The following TTN variants were observed in gnomAD, a reference collection of about 807,000 sequenced individuals.
The protein encoded by TTN is connectin.
TTN carries 1,525 observed loss-of-function variants against 3,223.0 expected under a neutral mutation model. That is an observed-to-expected ratio of 0.47 (90% CI 0.45 to 0.49). The LOEUF (loss-of-function observed/expected upper bound fraction) is 0.49. TTN is among the 20% of genes least tolerant of loss of function. TTN has a pLI of 0.00. For missense variants in TTN, 40,786 were observed against 43,424.0 expected, an observed-to-expected ratio of 0.94 and a Z score of 5.40; for synonymous variants, 14,094 against 15,161.0, an observed-to-expected ratio of 0.93 and a Z score of 5.17.
chr2:178,772,917 T>G, intron 33 of TTN, 192 bp downstream of exon 33: 1 of 664,416 alleles, frequency 1.5e-6, no homozygotes, highest in Non-Finnish European at 2.5e-6. Context: ...AAGGTGACGT[T>G]TGAGGTAGGC....
intron 50 of TTN, 80 bp from the exon 51 acceptor site, chr2:178,735,068 CAA>C (rs1323889498): frequency 3.6e-6 from 5 of 1,406,988 alleles, no homozygotes; most frequent in African/African-American, 2.9e-5. Context: ...ACATATACAA[CAA>C]AGAGACCCAA....
Position 178,775,726 on chromosome 2 carries a change from A to G in TTN, c.6138T>C (p.Thr2046=). The G allele has an allele frequency of 3.1e-6, 5 of 1,614,108 alleles. No individual in the cohort carries two copies. Among genetic ancestry groups the G allele is most frequent in the Non-Finnish European group, 4.2e-6 (5 of 1,180,002 alleles). ...CGGCAAGAGCTTTCTTTTCCTCTTC[A>G]GTTAACTCTTTGGTCCAGTGGAGAA... ...DELLHWTKEL[T]EEEKKALAEE... is the part of the protein sequence containing the mutation. Residue 2046 remains threonine, a synonymous_variant, in exon 28 of 363, where the codon ACT becomes ACC. Coordinates refer to ENST00000589042, the MANE Select transcript of TTN (RefSeq NM_001267550.2).
At position 178,598,630 on chromosome 2, in the gene TTN, T is replaced by C. The variant is rs1002471047; in HGVS notation, c.56987A>G (p.Lys18996Arg). The C allele has an allele frequency of 3.7e-6, 6 of 1,604,266 alleles. No individual in the cohort carries two copies. Among genetic ancestry groups the C allele is most frequent in the Non-Finnish European group, 5.1e-6 (6 of 1,177,492 alleles). Reference protein sequence around the residue: ...PIAPPGPPFPKVTDWTKSSAD... With the variant: ...PIAPPGPPFPRVTDWTKSSAD... The stretch of plus-strand genomic sequence containing the variant: ...AGATGATTTAGTCCAATCTGTCACT[T>C]TGGGAAATGGAGGACCAGGAGGGGC... The change falls in exon 292 of 363, where the codon AAA becomes AGA. Residue 18996 changes from lysine to arginine, a missense_variant. Lys to Arg is a conservative substitution (Grantham distance 26). Transcript: ENST00000589042.
rs749127573 is a variant in TTN, at chr2:178,548,198, C to T, written c.93428G>A (p.Ser31143Asn). 1 of 1,613,848 alleles carries T rather than the reference C, an allele frequency of 6.2e-7. No homozygotes were observed. Among genetic ancestry groups the T allele is most frequent in the Non-Finnish European group, 8.5e-7 (1 of 1,179,792 alleles). Residue 31143 changes from serine to asparagine, a missense_variant, in exon 339 of 363, where the codon AGC (serine) becomes AAC (asparagine). Coordinates refer to ENST00000589042, the MANE Select transcript of TTN (RefSeq NM_001267550.2). This position sits in a 1 kb window ranked among gnomAD's most constrained non-coding sequence, Gnocchi z 4.3. ...TTCAAGCAGGTAGCCAGTGATCCGG[C>T]TGCCTCCATCGTGGTCAGGTTTAAG... ...AWLKPDHDGG[S>N]RITGYLLEMR...
chr2:178,633,731 A>G (rs1434332091), intron 231 of TTN, 55 bp from the exon 232 acceptor site: 1 of 1,606,226 alleles, frequency 6.2e-7, no homozygotes, highest in Non-Finnish European at 8.5e-7. Flanking sequence ...AAGTTTATTA[A>G]AGAGTAAAAG....
At chr2:178,606,271 G>C (rs2054785617) in intron 278 of TTN, among the ~76,000 whole-genome samples, 1 of 151,940 alleles carries the variant, frequency 6.6e-6, no homozygotes, top group Non-Finnish European at 1.5e-5. Context: ...GACTGTTATT[G>C]CAACCAGAAG....
chr2:178,539,148 G>A lies in TTN; in HGVS notation c.98787C>T (p.Val32929=). The A allele has an allele frequency of 6.2e-7, 1 of 1,613,772 alleles. No homozygotes were observed. The highest frequency in any genetic ancestry group is 8.5e-7 in the Non-Finnish European group (1 of 1,179,752). ...SRPKDDGGSR[V]TGYYIERKET... Reference sequence around the variant, plus strand: ...CTTTGCGTTCGATGTAGTAGCCTGTGACTCTAGAACCACCATCATCTTTGG... The same window carrying A: ...CTTTGCGTTCGATGTAGTAGCCTGTAACTCTAGAACCACCATCATCTTTGG... Residue 32929 remains valine, a synonymous_variant, in exon 353 of 363, where the codon GTC becomes GTT. Transcript: ENST00000589042.
chr2:178,583,193 T>G lies in TTN; in HGVS notation c.65610A>C (p.Lys21870Asn). 2.5e-6 allele frequency: 4 copies of G among 1,609,254 alleles called. No individual in the cohort carries two copies. The highest frequency in any genetic ancestry group is 2.5e-6 in the Non-Finnish European group (3 of 1,176,984). The change falls in exon 313 of 363, where the codon AAA becomes AAC. Residue 21870 changes from lysine to asparagine, a missense_variant. Physicochemically the swap from Lys to Asn is moderately conservative, Grantham distance 94. Transcript: ENST00000589042. ...TTCCAGCTTTCACAGTAAGCAAAGA[T>G]TTCATAGCCACACTCAGGTCTATCC... ...PPRIDLSVAM[K>N]SLLTVKAGTN...
At chr2:178,737,940 C>T in intron 49 of TTN, 142 bp downstream of exon 49, 1 of 970,890 alleles carries the variant, frequency 1.0e-6, no homozygotes, top group Non-Finnish European at 1.5e-6. Flanking sequence ...ATAGGCTCTG[C>T]AGTACCTACC....
At chr2:178,704,046 C>A (rs1474659651) in intron 106 of TTN, 101 bp downstream of exon 106, 30 of 1,443,476 alleles carry the variant, frequency 2.1e-5, no homozygotes, top group Non-Finnish European at 2.8e-5. Flanking sequence ...GAACACATGA[C>A]CACTTTGGTG....
rs1266730376 is a variant in TTN, at chr2:178,781,174, A to G, written c.3470T>C (p.Val1157Ala). The change falls in exon 21 of 363, where the codon GTT becomes GCT. Residue 1157 changes from valine (V) to alanine (A), a missense_variant. Coordinates refer to ENST00000589042, the MANE Select transcript of TTN (RefSeq NM_001267550.2). ...AGTTTCTCCATGCTTATTGCGAACA[A>G]CAATAGTGTATTCTCCAGCATCATC... ...FADDAGEYTI[V>A]VRNKHGETSA... The G allele has an allele frequency of 6.2e-7, 1 of 1,614,096 alleles. No homozygotes were observed. Among genetic ancestry groups the G allele is most frequent in the Admixed American group, 1.7e-5 (1 of 60,018 alleles).
At position 178,734,939 on chromosome 2, in the gene TTN, T is replaced by C. The variant is rs760725256; in HGVS notation, c.14985A>G (p.Pro4995=). The part of the protein sequence containing the change: ...KKVDPSYLML[P]GESARLHCKL... Reference sequence around the variant, plus strand: ...TGCAATGGAGGCGTGCTGATTCACCTGGGAGCATTAAATAAGAGGGATCCA... The same window carrying C: ...TGCAATGGAGGCGTGCTGATTCACCCGGGAGCATTAAATAAGAGGGATCCA... Residue 4995 remains proline (P), a synonymous_variant, in exon 51 of 363, where the codon CCA becomes CCG. Transcript: ENST00000589042. 6.2e-7 allele frequency: 1 copy of C among 1,608,748 alleles called. No homozygotes were observed. Among genetic ancestry groups the C allele is most frequent in the Non-Finnish European group, 8.5e-7 (1 of 1,177,016 alleles).
chr2:178,722,466 G>C lies in TTN; in HGVS notation c.22321C>G (p.Arg7441Gly). Residue 7441 changes from arginine (R) to glycine (G), a missense_variant, in exon 77 of 363, where the codon CGA (arginine) becomes GGA (glycine). Transcript: ENST00000589042. ...TGGATGGGTGCAGAGCCATTTAATC[G>C]ACAAGTGAGTGTAACAGGTAACCCC... ...TVGLPVTLTC[R>G]LNGSAPIQVC... 1.9e-6 allele frequency: 3 copies of C among 1,613,338 alleles called. No homozygotes were observed. The highest frequency in any genetic ancestry group is 2.5e-6 in the Non-Finnish European group (3 of 1,179,516).
chr2:178,789,231 G>A, intron 13 of TTN, 129 bp downstream of exon 13: 1 of 1,255,194 alleles, frequency 8.0e-7, no homozygotes, highest in Non-Finnish European at 1.1e-6. Context: ...AATAAATTTG[G>A]TTAATAGTGA....
At chr2:178,646,818 A>C (rs2062077678) in intron 215 of TTN, among the ~76,000 whole-genome samples, 2 of 152,050 alleles carry the variant, frequency 1.3e-5, no homozygotes, top group Admixed American at 1.3e-4. Flanking sequence ...TGAGGATCCA[A>C]GGCAATTATT....
At chr2:178,693,432 T>G (rs1022126849) in intron 119 of TTN, among the ~76,000 whole-genome samples, 177 bp downstream of exon 119, 7 of 152,050 alleles carry the variant, frequency 4.6e-5, no homozygotes, top group Non-Finnish European at 7.4e-5. Context: ...TTCACTTTTT[T>G]CCCCCTGTGC....
intron 6 of TTN, 79 bp downstream of exon 6, chr2:178,799,407 AG>A (rs1452400137): frequency 2.5e-6 from 4 of 1,607,180 alleles, no homozygotes; most frequent in Non-Finnish European, 2.5e-6. Flanking sequence ...ATGCCCTGCG[AG>A]GGGGACAAGG....
chr2:178,629,587 G>T (rs2059534199), intron 239 of TTN, 144 bp from the exon 240 acceptor site: 1 of 1,193,290 alleles, frequency 8.4e-7, no homozygotes, highest in Non-Finnish European at 1.2e-6. Flanking sequence ...CGTGAACGTG[G>T]CCCCACGGCG....
In TTN at chr2:178,789,954, C is replaced by T. The variant is rs756619876; in HGVS notation, c.1938+24G>A. On this transcript the variant is annotated intron_variant, in intron 12 of 362. Transcript: ENST00000589042. ...GAAATTAGTTTAAAGATGAACTTTT[C>T]ACAGCTCAAATATCTGTATTCACCT... is the stretch of plus-strand genomic sequence containing the variant. The T allele has an allele frequency of 1.9e-6, 3 of 1,612,090 alleles. No individual in the cohort carries two copies. The South Asian group carries it at 3.3e-5, about 18-fold the overall frequency.
Sources: allele counts gnomAD v4.1 joint callset (sites outside exome capture counted in the v4.1 genomes callset), GRCh38; gene constraint gnomAD v4.1.1; non-coding constraint Gnocchi (gnomAD v3.1); transcripts MANE v1.5; gene names NCBI Gene and HGNC (gene_info 2026-07-23, HGNC 2026-07-21).